Variants in ADGRL3 observed in about 807,000 individuals in gnomAD.
The protein encoded by ADGRL3 is calcium-independent alpha-latrotoxin receptor 3.
ADGRL3 carries 62 observed loss-of-function variants against 153.5 expected under a neutral mutation model. The observed-to-expected ratio is 0.40, with a 90% CI of 0.33 to 0.50. The LOEUF is 0.50. Ranked by LOEUF, ADGRL3 falls within the 20% of genes least tolerant of loss-of-function variation. ADGRL3 has a pLI of 0.47. For synonymous variants in ADGRL3, 710 were observed against 672.5 expected (o/e 1.06, Z -0.86); for missense variants, 1,641 against 1,859.4 (o/e 0.88, Z 2.16).
chr4:61,484,053 T>C (rs2098162450), intron 2 of ADGRL3, among the ~76,000 whole-genome samples: 1 of 152,070 alleles, frequency 6.6e-6, no homozygotes, highest in African/African-American at 2.4e-5. Context: ...ATTCCTTTTC[T>C]ACTTAGGTCC....
chr4:61,429,123 G>T (rs2097324509), intron 2 of ADGRL3, among the ~76,000 whole-genome samples: 1 of 152,072 alleles, frequency 6.6e-6, no homozygotes, highest in South Asian at 2.1e-4. Flanking sequence ...TCCAATGTTT[G>T]CTTACAGTTT....
intron 4 of ADGRL3, among the ~76,000 whole-genome samples, chr4:61,541,370 T>C (rs1041968833): frequency 5.8e-4 from 73 of 125,764 alleles, no homozygotes; most frequent in African/African-American, 2.1e-3. Flanking sequence ...TTTTTTTTTT[T>C]CTGACACCTG....
intron 8 of ADGRL3, among the ~76,000 whole-genome samples, chr4:61,801,107 T>C (rs1210195095): frequency 1.3e-5 from 2 of 152,074 alleles, no homozygotes; most frequent in African/African-American, 4.8e-5. Context: ...CTTTTCTGGT[T>C]TACACCTGTG....
rs1056644326 is a variant in ADGRL3 at position 61,264,940 on chromosome 4, A to G, written c.-240+63175A>G. 3.6e-4 allele frequency among the ~76,000 whole-genome samples: 55 copies of G among 151,998 alleles called. 1 individual carries two copies. Among genetic ancestry groups the G allele is most frequent in the Non-Finnish European group, 5.9e-5 (4 of 67,888 alleles). On this transcript the variant is annotated intron_variant, in intron 1 of 26. Coordinates refer to ENST00000683033, the MANE Select transcript of ADGRL3 (RefSeq NM_001387552.1). ...TCTCAGTAACCATGTATGTCAGTAA[A>G]AGGCATCTTGTGTGTTTCGTGGTTA...
At chr4:61,475,276 T>C (rs1229919085) in intron 2 of ADGRL3, among the ~76,000 whole-genome samples, 1 of 152,198 alleles carries the variant, frequency 6.6e-6, no homozygotes, top group Non-Finnish European at 1.5e-5. Context: ...GCATATTTTG[T>C]TGGAACTGGA....
chr4:61,294,620 A>G (rs10033220), intron 1 of ADGRL3, among the ~76,000 whole-genome samples: 51,949 of 151,958 alleles, frequency 0.34, 9,503 homozygotes, highest in East Asian at 0.42. Flanking sequence ...TTACTGGTAC[A>G]TAAAATAATC....
chr4:61,828,269 A>G (rs917841227), intron 9 of ADGRL3, among the ~76,000 whole-genome samples: 1 of 152,172 alleles, frequency 6.6e-6, no homozygotes, highest in Non-Finnish European at 1.5e-5. Context: ...TTTGTTTGTT[A>G]GATAAAACCA....
intron 2 of ADGRL3, among the ~76,000 whole-genome samples, chr4:61,485,602 A>G (rs1173552564): frequency 6.6e-6 from 1 of 152,172 alleles, no homozygotes; most frequent in Non-Finnish European, 1.5e-5. Context: ...ATGATGAGAT[A>G]TACCTTCCCC....
intron 4 of ADGRL3, among the ~76,000 whole-genome samples, chr4:61,525,120 G>T (rs914560834): frequency 7.0e-6 from 1 of 143,884 alleles, no homozygotes. Flanking sequence ...GGTGGAATAC[G>T]GTGTCAGTTA....
intron 4 of ADGRL3, among the ~76,000 whole-genome samples, chr4:61,575,232 A>G (rs1005049634): frequency 2.0e-5 from 3 of 151,984 alleles, no homozygotes; most frequent in African/African-American, 7.2e-5. Context: ...TTTTAATAAT[A>G]TGTTTTCAGC....
intron 5 of ADGRL3, among the ~76,000 whole-genome samples, chr4:61,631,740 T>C (rs930152185): frequency 6.6e-6 from 1 of 152,208 alleles, no homozygotes; most frequent in Non-Finnish European, 1.5e-5. Flanking sequence ...CACTTGTTAC[T>C]CAACTAAAAT....
chr4:61,815,394 T>G (rs1393343660), intron 9 of ADGRL3, among the ~76,000 whole-genome samples: 1 of 152,218 alleles, frequency 6.6e-6, no homozygotes, highest in Non-Finnish European at 1.5e-5. Flanking sequence ...AACATATTTC[T>G]GGTGTTAGTG....
At chr4:61,358,773 C>T (rs889487685) in intron 1 of ADGRL3, among the ~76,000 whole-genome samples, 8 of 151,980 alleles carry the variant, frequency 5.3e-5, no homozygotes, top group African/African-American at 1.4e-4. Flanking sequence ...CCCAAATCTC[C>T]GTCTTGGGTT....
intron 11 of ADGRL3, among the ~76,000 whole-genome samples, chr4:61,901,778 A>G (rs1228925300): frequency 1.3e-5 from 2 of 152,114 alleles, no homozygotes; most frequent in Admixed American, 1.3e-4. Flanking sequence ...CTCTGTCATA[A>G]TTATTATTTT....
At chr4:61,680,273 A>G (rs2095305681) in intron 6 of ADGRL3, among the ~76,000 whole-genome samples, 1 of 150,884 alleles carries the variant, frequency 6.6e-6, no homozygotes, top group African/African-American at 2.4e-5. Flanking sequence ...TATACAATTT[A>G]GTAATATCCA....
At chr4:61,708,482 TTG>T (rs1181064212) in intron 6 of ADGRL3, among the ~76,000 whole-genome samples, 18 of 72,332 alleles carry the variant, frequency 2.5e-4, no homozygotes, top group Admixed American at 2.0e-3. Context: ...TTTACAGTCT[TTG>T]TTTTTTTTTT....
At position 61,339,916 on chromosome 4, in the gene ADGRL3, A is replaced by G. The variant is rs73825120; in HGVS notation, c.-239-43208A>G. ...ATATTTCTAGAGGAGATGCTCTGGC[A>G]GTAACTCTTCAGGCAGAGAGAAGCA... is the stretch of plus-strand genomic sequence containing the variant. On this transcript the variant is annotated intron_variant, in intron 1 of 26. Transcript: ENST00000683033. Among the ~76,000 whole-genome samples, 919 of 152,290 alleles carry G rather than the reference A, an allele frequency of 6.0e-3. 9 individuals carry two copies. The highest frequency in any genetic ancestry group is 0.021 in the African/African-American group (879 of 41,566).
intron 9 of ADGRL3, among the ~76,000 whole-genome samples, chr4:61,835,251 CCT>C (rs1177533497): frequency 6.6e-6 from 1 of 150,464 alleles, no homozygotes; most frequent in Non-Finnish European, 1.5e-5. Context: ...TGCGGCTCCT[CCT>C]CTGTTTTTCC....
chr4:61,819,652 C>T (rs1057021813), intron 9 of ADGRL3, among the ~76,000 whole-genome samples: 2 of 152,042 alleles, frequency 1.3e-5, no homozygotes, highest in Non-Finnish European at 2.9e-5. Context: ...GAAACAAAAA[C>T]ATTTAAAATA....
Sources: allele counts gnomAD v4.1 joint callset (sites outside exome capture counted in the v4.1 genomes callset), GRCh38; gene constraint gnomAD v4.1.1; transcripts MANE v1.5; gene names NCBI Gene and HGNC (gene_info 2026-07-23, HGNC 2026-07-21).